Variants in NWD2 observed in about 807,000 individuals in gnomAD.
NWD2 encodes NACHT and WD repeat domain-containing protein 2.
Under a neutral mutation model 132.7 loss-of-function variants are expected in NWD2, and 37 were observed. The ratio of observed to expected loss-of-function variants is 0.28; its 90% CI spans 0.21 to 0.37. The LOEUF (loss-of-function observed/expected upper bound fraction) is 0.37, where lower values mean the gene tolerates loss of function less well. Ranked by LOEUF, NWD2 falls within the 10% of genes least tolerant of loss-of-function variation. The pLI is 1.00. For synonymous variants in NWD2, 705 were observed against 803.0 expected, an observed-to-expected ratio of 0.88 and a Z score of 2.06; for missense variants, 1,592 against 2,122.4, an observed-to-expected ratio of 0.75 and a Z score of 4.91.
chr4:37,313,904 G>A (rs1718904676), intron 1 of NWD2, among the ~76,000 whole-genome samples: 2 of 150,956 alleles, frequency 1.3e-5, no homozygotes, highest in African/African-American at 5.0e-5. Flanking sequence ...CACCATGTTG[G>A]CCAGGCTGGT....
chr4:37,435,512 C>T (rs1242016825), intron 5 of NWD2, among the ~76,000 whole-genome samples: 1 of 152,176 alleles, frequency 6.6e-6, no homozygotes, highest in Non-Finnish European at 1.5e-5. Flanking sequence ...TTAGATCCAC[C>T]TTTGAGGCTC....
In NWD2 at chr4:37,268,929, T is replaced by C. The variant is rs1717814077; in HGVS notation, c.151+23711T>C. ...ATTATTTAAATATTGCCAAAGGTTATTTGACACATGGAAATAAATTCCCAG... is the reference window on the plus strand; with the variant it reads ...ATTATTTAAATATTGCCAAAGGTTACTTGACACATGGAAATAAATTCCCAG... On this transcript the variant is annotated intron_variant, in intron 1 of 6. Transcript: ENST00000309447. Among the ~76,000 whole-genome samples, 3 of 151,874 alleles carry C rather than the reference T, an allele frequency of 2.0e-5. No homozygotes were observed. The South Asian group carries it at 6.2e-4, about 31-fold the overall frequency.
Position 37,445,974 on chromosome 4 carries a change from A to C in NWD2, c.3986A>C (p.Glu1329Ala), listed in dbSNP as rs1483299674. The C allele has an allele frequency of 6.4e-7, 1 of 1,551,496 alleles. No individual in the cohort carries two copies. Among genetic ancestry groups the C allele is most frequent in the Non-Finnish European group, 8.7e-7 (1 of 1,146,946 alleles). ...IQSLLLPARGEIIYSLDGSDC... is the reference protein window; with the variant it reads ...IQSLLLPARGAIIYSLDGSDC... ...AGTCTGTTGTTGCCTGCTAGAGGGG[A>C]AATCATTTACTCCCTGGATGGATCC... The change falls in exon 7 of 7, where the codon GAA (glutamate) becomes GCA (alanine). Residue 1329 changes from glutamate (E) to alanine (A), a missense_variant. Transcript: ENST00000309447. The surrounding 1 kb of genome is among the most constrained non-coding windows in gnomAD (Gnocchi z 4.7).
At chr4:37,279,667 CT>C (rs1230709658) in intron 1 of NWD2, among the ~76,000 whole-genome samples, 3 of 152,248 alleles carry the variant, frequency 2.0e-5, no homozygotes, top group African/African-American at 4.8e-5. Context: ...AGCAAAATTC[CT>C]TTTGAAAAAG....
chr4:37,288,952 A>C (rs963819282), intron 1 of NWD2, among the ~76,000 whole-genome samples: 3 of 144,902 alleles, frequency 2.1e-5, no homozygotes, highest in Non-Finnish European at 4.6e-5. Context: ...TAAATTGCCT[A>C]TAACTGACTA....
intron 4 of NWD2, among the ~76,000 whole-genome samples, chr4:37,432,851 G>A (rs1712217314): frequency 6.6e-6 from 1 of 152,170 alleles, no homozygotes; most frequent in South Asian, 2.1e-4. Flanking sequence ...AATGAAAAAG[G>A]AAGAGGGGAA....
intron 1 of NWD2, among the ~76,000 whole-genome samples, chr4:37,247,574 C>T (rs781685732): frequency 2.0e-5 from 3 of 151,840 alleles, no homozygotes; most frequent in Non-Finnish European, 4.4e-5. Context: ...CCATCGGTAA[C>T]GAAGATAATA....
In NWD2 at chr4:37,315,861, A is replaced by C. The variant is rs6531526; in HGVS notation, c.152-10075A>C. ...GGTTATATTCTTACTTGGTGCTCTG[A>C]GGATTACAAAATATTCTTAATTTAT... On this transcript the variant is annotated intron_variant, in intron 1 of 6. Coordinates refer to ENST00000309447, the MANE Select transcript of NWD2 (RefSeq NM_001144990.2). Among the ~76,000 whole-genome samples the C allele has an allele frequency of 2.9e-3, 438 of 151,970 alleles. 2 individuals are homozygous for C. The highest frequency in any genetic ancestry group is 0.01 in the African/African-American group (417 of 41,516).
At chr4:37,295,952 C>T (rs893427212) in intron 1 of NWD2, among the ~76,000 whole-genome samples, 14 of 152,144 alleles carry the variant, frequency 9.2e-5, no homozygotes, top group Admixed American at 9.2e-4. Context: ...TAGCCAAAAT[C>T]AATACTCATG....
chr4:37,288,120 T>A (rs1387577530), intron 1 of NWD2, among the ~76,000 whole-genome samples: 2 of 151,982 alleles, frequency 1.3e-5, no homozygotes, highest in African/African-American at 4.8e-5. Context: ...TGAGAACACA[T>A]GGACACAGGG....
At chr4:37,268,499 A>G (rs542422794) in intron 1 of NWD2, among the ~76,000 whole-genome samples, 1 of 152,016 alleles carries the variant, frequency 6.6e-6, no homozygotes, top group South Asian at 2.1e-4. Flanking sequence ...GTATTCATCT[A>G]TGGGTTCTGA....
At chr4:37,376,483 T>A (rs1375695699) in intron 3 of NWD2, among the ~76,000 whole-genome samples, 1 of 152,214 alleles carries the variant, frequency 6.6e-6, no homozygotes, top group Admixed American at 6.5e-5. Context: ...CTCTCTTTTT[T>A]TGTCAGAGGC....
intron 1 of NWD2, among the ~76,000 whole-genome samples, chr4:37,300,560 A>G (rs914930647): frequency 6.6e-6 from 1 of 152,156 alleles, no homozygotes; most frequent in African/African-American, 2.4e-5. Flanking sequence ...TGAAGTCACC[A>G]ATTTTGCAGT....
chr4:37,415,438 C>T (rs1054489962), intron 3 of NWD2, among the ~76,000 whole-genome samples: 1 of 152,152 alleles, frequency 6.6e-6, no homozygotes, highest in Non-Finnish European at 1.5e-5. Context: ...GGCACGGTGG[C>T]TTACGCCTGT....
In NWD2 at chr4:37,445,679, A is replaced by C. The variant is rs1712615955; in HGVS notation, c.3691A>C (p.Asn1231His). 6.4e-7 allele frequency: 1 copy of C among 1,552,000 alleles called. No homozygotes were observed. Among genetic ancestry groups the C allele is most frequent in the Non-Finnish European group, 8.7e-7 (1 of 1,147,100 alleles). ...KVAEKFRAKH[N>H]ERFISAVLSK... is the part of the protein sequence containing the mutation. ...GGCTGAAAAGTTCAGAGCCAAGCAC[A>C]ACGAACGCTTTATATCTGCCGTGCT... is the stretch of plus-strand genomic sequence containing the variant. The change falls in exon 7 of 7, where the codon AAC becomes CAC. Residue 1231 changes from asparagine (N) to histidine (H), a missense_variant. By Grantham distance (68) the Asn-to-His change is moderately conservative. Coordinates refer to ENST00000309447, the MANE Select transcript of NWD2 (RefSeq NM_001144990.2). The surrounding 1 kb of genome is among the most constrained non-coding windows in gnomAD (Gnocchi z 4.7).
chr4:37,446,498 A>C lies in NWD2; in HGVS notation c.4510A>C (p.Asn1504His), dbSNP rs1712639422. 1 of 1,551,722 alleles carries C rather than the reference A, an allele frequency of 6.4e-7. No individual in the cohort carries two copies. Among genetic ancestry groups the C allele is most frequent in the Admixed American group, 2.0e-5 (1 of 51,006 alleles). ...IVFITSAETV[N>H]IWSLTDEVIC... The stretch of plus-strand genomic sequence containing the variant: ...GTTTATCACATCGGCCGAGACTGTG[A>C]ACATCTGGAGTCTGACAGATGAAGT... The change falls in exon 7 of 7, where the codon AAC becomes CAC. Residue 1504 changes from asparagine to histidine, a missense_variant. Physicochemically the swap from Asn to His is moderately conservative, Grantham distance 68 (BLOSUM62 1). Transcript: ENST00000309447. This position sits in a 1 kb window ranked among gnomAD's most constrained non-coding sequence, Gnocchi z 6.7.
chr4:37,430,590 T>C lies in NWD2; in HGVS notation c.376T>C (p.Tyr126His), dbSNP rs1392363345. Residue 126 changes from tyrosine (Y) to histidine (H), a missense_variant, in exon 4 of 7, where the codon TAT (tyrosine) becomes CAT (histidine). By Grantham distance (83) the Tyr-to-His change is moderately conservative. This residue lies in a region of NWD2 where 144 missense variants were observed against 185.7 expected (regional missense o/e 0.78). Coordinates refer to ENST00000309447, the MANE Select transcript of NWD2 (RefSeq NM_001144990.2). ...PCFVGLLGEK[Y>H]GNIRIPGEVE... Reference sequence around the variant, plus strand: ...TACACAGGGACTATTAGGTGAAAAATATGGGAATATCCGAATCCCTGGAGA... The same window carrying C: ...TACACAGGGACTATTAGGTGAAAAACATGGGAATATCCGAATCCCTGGAGA... 4 of 1,551,368 alleles carry C rather than the reference T, an allele frequency of 2.6e-6. No individual in the cohort carries two copies. The African/African-American group carries it at 4.1e-5, about 16-fold the overall frequency.
intron 2 of NWD2, among the ~76,000 whole-genome samples, chr4:37,328,030 C>T (rs1344748603): frequency 1.3e-5 from 2 of 152,038 alleles, no homozygotes; most frequent in Non-Finnish European, 2.9e-5. Context: ...TCTTAAGACT[C>T]TTCCTATCTA....
intron 2 of NWD2, among the ~76,000 whole-genome samples, chr4:37,349,927 A>G (rs13139855): frequency 0.34 from 52,196 of 152,086 alleles, 10,254 homozygotes; most frequent in Middle Eastern, 0.5. Flanking sequence ...TCCCAGCACC[A>G]TTTATTAAAT....
Sources: gnomAD v4.1 joint callset for allele counts (sites outside exome capture counted in the v4.1 genomes callset) on GRCh38, gnomAD v4.1.1 for gene constraint, gnomAD v4.1.1 regional missense constraint, Gnocchi (gnomAD v3.1) non-coding constraint, MANE v1.5 for transcripts, NCBI Gene and HGNC (gene_info 2026-07-23, HGNC 2026-07-21) for gene names.